Variants in LHFPL6 observed in about 807,000 individuals in gnomAD.
LHFPL6 encodes LHFPL tetraspan subfamily member 6.
In LHFPL6, 9 loss-of-function variants were observed where a neutral mutation model predicts 20.6. That is an observed-to-expected ratio of 0.44 (90% CI 0.26 to 0.76). The LOEUF (loss-of-function observed/expected upper bound fraction) is 0.76. Among genes scored for constraint, LHFPL6 ranks in the 30% least tolerant of loss-of-function variants. The pLI is 0.20. For missense variants in LHFPL6, 218 were observed against 253.5 expected (o/e 0.86, Z 0.95); for synonymous variants, 105 against 98.7 (o/e 1.06, Z -0.38).
chr13:39,538,755 T>C (rs1870702779), intron 2 of LHFPL6, among the ~76,000 whole-genome samples: 1 of 152,104 alleles, frequency 6.6e-6, no homozygotes, highest in Non-Finnish European at 1.5e-5. Flanking sequence ...CTTTATTAAG[T>C]ATAACGATTT....
intron 2 of LHFPL6, among the ~76,000 whole-genome samples, chr13:39,493,441 T>C (rs1357580655): frequency 6.6e-6 from 1 of 152,134 alleles, no homozygotes; most frequent in Admixed American, 6.6e-5. Context: ...GAATCATAAA[T>C]TATGTCACGT....
chr13:39,365,147 G>T (rs1869978153), intron 3 of LHFPL6, among the ~76,000 whole-genome samples: 1 of 152,138 alleles, frequency 6.6e-6, no homozygotes, highest in Non-Finnish European at 1.5e-5. Context: ...CTGACTCATG[G>T]ACTGCCCAGA....
chr13:39,353,243 T>C (rs9603525), intron 3 of LHFPL6, among the ~76,000 whole-genome samples: 115,524 of 150,572 alleles, frequency 0.77, 44,547 homozygotes, highest in East Asian at 0.91. Context: ...GCCTCGGCCT[T>C]CCAAAGTGCT....
chr13:39,415,832 C>T (rs1871334105), intron 2 of LHFPL6, among the ~76,000 whole-genome samples: 1 of 152,234 alleles, frequency 6.6e-6, no homozygotes, highest in Admixed American at 6.5e-5. Flanking sequence ...AAGCCTTTCT[C>T]ATTTGCAGCC....
intron 2 of LHFPL6, among the ~76,000 whole-genome samples, chr13:39,418,855 A>G (rs1871412465): frequency 6.6e-6 from 1 of 152,204 alleles, no homozygotes; most frequent in Non-Finnish European, 1.5e-5. Flanking sequence ...CCGACTTTAC[A>G]GCATGTAAAG....
chr13:39,550,621 A>AT (rs1871122569), intron 2 of LHFPL6, among the ~76,000 whole-genome samples: 1 of 152,072 alleles, frequency 6.6e-6, no homozygotes, highest in Non-Finnish European at 1.5e-5. Context: ...CACTTTTTAA[A>AT]TTGTTTTGAA....
At chr13:39,573,967 T>C (rs1872018122) in intron 2 of LHFPL6, among the ~76,000 whole-genome samples, 1 of 152,026 alleles carries the variant, frequency 6.6e-6, no homozygotes. Context: ...CAGAGAAAAA[T>C]GAAGTATCTC....
intron 2 of LHFPL6, among the ~76,000 whole-genome samples, chr13:39,465,350 A>C (rs1872778238): frequency 6.6e-6 from 1 of 152,226 alleles, no homozygotes; most frequent in Non-Finnish European, 1.5e-5. Context: ...TGACTCCTGG[A>C]CAGAATATGA....
intron 2 of LHFPL6, among the ~76,000 whole-genome samples, chr13:39,585,239 T>C (rs1411189115): frequency 6.6e-6 from 1 of 152,224 alleles, no homozygotes; most frequent in East Asian, 1.9e-4. Context: ...ATAGTGAGTC[T>C]TGCTAAGGAG....
At chr13:39,573,928 C>A (rs943808995) in intron 2 of LHFPL6, among the ~76,000 whole-genome samples, 1 of 152,070 alleles carries the variant, frequency 6.6e-6, no homozygotes, top group African/African-American at 2.4e-5. Flanking sequence ...GGTTTACATA[C>A]GGGTCCAAGG....
At chr13:39,488,493 G>T (rs190840805) in intron 2 of LHFPL6, among the ~76,000 whole-genome samples, 128 of 152,114 alleles carry the variant, frequency 8.4e-4, no homozygotes, top group African/African-American at 2.9e-3. Context: ...TCCTTTACAA[G>T]GGCCTCCTCC....
chr13:39,411,507 C>T (rs1053199383), intron 2 of LHFPL6, among the ~76,000 whole-genome samples: 19 of 152,150 alleles, frequency 1.2e-4, no homozygotes, highest in African/African-American at 4.6e-4. Flanking sequence ...CACAGGACTT[C>T]GGTTGCCTTA....
chr13:39,560,685 CTT>C (rs915732466), intron 2 of LHFPL6, among the ~76,000 whole-genome samples: 2 of 151,214 alleles, frequency 1.3e-5, no homozygotes, highest in African/African-American at 4.9e-5. Context: ...CGGCTAATTT[CTT>C]TTTGTATTTT....
chr13:39,525,972 C>T (rs1206680967), intron 2 of LHFPL6, among the ~76,000 whole-genome samples: 1 of 151,844 alleles, frequency 6.6e-6, no homozygotes, highest in East Asian at 1.9e-4. Context: ...TAGGCACTAA[C>T]CCATAACAAA....
chr13:39,474,663 T>C (rs1410058504), intron 2 of LHFPL6, among the ~76,000 whole-genome samples: 1 of 152,168 alleles, frequency 6.6e-6, no homozygotes, highest in Admixed American at 6.5e-5. Context: ...GAACAAATTA[T>C]AAACATTTAT....
intron 2 of LHFPL6, among the ~76,000 whole-genome samples, chr13:39,445,903 TTAAGTA>T (rs1236776786): frequency 6.6e-6 from 1 of 152,168 alleles, no homozygotes; most frequent in South Asian, 2.1e-4. Flanking sequence ...CTGTGGTACT[TTAAGTA>T]TAACAGATGG....
At chr13:39,396,433 T>C (rs1336282725) in intron 2 of LHFPL6, among the ~76,000 whole-genome samples, 1 of 152,110 alleles carries the variant, frequency 6.6e-6, no homozygotes, top group Non-Finnish European at 1.5e-5. Context: ...GTTGCAGATG[T>C]AATTAGGTAA....
At chr13:39,534,456 C>T (rs2138497905) in intron 2 of LHFPL6, among the ~76,000 whole-genome samples, 1 of 152,298 alleles carries the variant, frequency 6.6e-6, no homozygotes, top group African/African-American at 2.4e-5. Flanking sequence ...AATTACTGGG[C>T]TTCATATATA....
chr13:39,600,772 A>G, intron 2 of LHFPL6, 60 bp downstream of exon 2: 3 of 1,400,882 alleles, frequency 2.1e-6, no homozygotes, highest in Admixed American at 2.4e-5. Context: ...CAACTGAAAC[A>G]TAACTTTTAA....
Sources: allele counts gnomAD v4.1 joint callset (sites outside exome capture counted in the v4.1 genomes callset), GRCh38; gene constraint gnomAD v4.1.1; transcripts MANE v1.5; gene names NCBI Gene and HGNC (gene_info 2026-07-23, HGNC 2026-07-21).